Variants in MAST2 observed in about 807,000 individuals in gnomAD.
MAST2 encodes the protein microtubule-associated serine/threonine-protein kinase 2.
MAST2 carries 70 observed loss-of-function variants against 147.4 expected under a neutral mutation model. The observed-to-expected ratio is 0.47, with a 90% CI of 0.39 to 0.58. MAST2 has a LOEUF of 0.58. Among genes scored for constraint, MAST2 ranks in the 20% least tolerant of loss-of-function variants. The pLI is 0.00. For synonymous variants in MAST2, 869 were observed against 896.8 expected, an observed-to-expected ratio of 0.97 and a Z score of 0.55; for missense variants, 2,080 against 2,302.3, an observed-to-expected ratio of 0.90 and a Z score of 1.98.
At chr1:45,816,476 A>G (rs1412169244) in intron 1 of MAST2, among the ~76,000 whole-genome samples, 10 of 152,158 alleles carry the variant, frequency 6.6e-5, no homozygotes, top group South Asian at 4.1e-4. Context: ...AGAGAATTCA[A>G]AATACCCATT....
chr1:45,984,714 A>C (rs1257479907), intron 5 of MAST2, among the ~76,000 whole-genome samples: 1 of 152,184 alleles, frequency 6.6e-6, no homozygotes, highest in Non-Finnish European at 1.5e-5. Flanking sequence ...CTGATCAGGC[A>C]CAGTGGCTCC....
chr1:45,818,590 A>C (rs1206787526), intron 1 of MAST2, among the ~76,000 whole-genome samples: 2 of 152,200 alleles, frequency 1.3e-5, no homozygotes, highest in African/African-American at 4.8e-5. Flanking sequence ...AGGATGGTCG[A>C]TGTTGAGTTC....
At chr1:45,933,833 A>G (rs1655763083) in intron 4 of MAST2, among the ~76,000 whole-genome samples, 1 of 151,870 alleles carries the variant, frequency 6.6e-6, no homozygotes, top group South Asian at 2.1e-4. Context: ...GTCTCTAATT[A>G]CTAGTTTATT....
At chr1:45,997,932 C>T (rs1645123290) in intron 6 of MAST2, 133 bp downstream of exon 6, 2 of 784,266 alleles carry the variant, frequency 2.6e-6, no homozygotes, top group Non-Finnish European at 2.1e-6. Flanking sequence ...TCCATCAAAA[C>T]TCTGTCTTTG....
chr1:45,909,660 G>A (rs927340504), intron 4 of MAST2, among the ~76,000 whole-genome samples: 1 of 152,002 alleles, frequency 6.6e-6, no homozygotes, highest in African/African-American at 2.4e-5. Flanking sequence ...TAGGACTACA[G>A]GCATGCGCCC....
intron 8 of MAST2, among the ~76,000 whole-genome samples, 194 bp from the exon 9 acceptor site, chr1:46,008,102 T>TA (rs1302462439): frequency 1.3e-5 from 2 of 152,124 alleles, no homozygotes; most frequent in African/African-American, 4.8e-5. Context: ...TAGCTCCATA[T>TA]AGTACCATTT....
chr1:45,891,685 T>C (rs1647820277), intron 4 of MAST2, among the ~76,000 whole-genome samples: 1 of 152,104 alleles, frequency 6.6e-6, no homozygotes, highest in East Asian at 1.9e-4. Flanking sequence ...TCCTACCTTT[T>C]CATCTAAAAT....
At chr1:45,885,085 T>C in intron 4 of MAST2, among the ~76,000 whole-genome samples, 1 of 152,304 alleles carries the variant, frequency 6.6e-6, no homozygotes, top group South Asian at 2.1e-4. Context: ...GTGGAAAAAC[T>C]GATGTTAATA....
Position 46,030,726 on chromosome 1 carries a change from C to G in MAST2, c.2673C>G (p.Gly891=), listed in dbSNP as rs1646622239. The G allele has an allele frequency of 1.3e-6, 2 of 1,596,866 alleles. No individual in the cohort carries two copies. Among genetic ancestry groups the G allele is most frequent in the African/African-American group, 1.3e-5 (1 of 74,166 alleles). The change falls in exon 22 of 29, where the codon GGC becomes GGG. Residue 891 remains glycine (G), a synonymous_variant. Transcript: ENST00000361297. The stretch of plus-strand genomic sequence containing the variant: ...CAGATGGCCTGGCAGGGCTCAAAGG[C>G]CGAGACCGGAGCTGGGTGATTGGCT... ...DHSDGLAGLK[G]RDRSWVIGSP...
intron 4 of MAST2, among the ~76,000 whole-genome samples, chr1:45,896,859 A>T (rs1052235698): frequency 6.6e-6 from 1 of 152,358 alleles, no homozygotes; most frequent in Admixed American, 6.5e-5. Context: ...ATCATATTGT[A>T]TGAATGTCTC....
chr1:45,860,974 C>T lies in MAST2; in HGVS notation c.469-21390C>T, dbSNP rs570200417. Reference sequence around the variant, plus strand: ...ATTTCTAGTCCACTTAGCTCTCTGCCTTGTCATACCTCTGAAATGTTCCTT... The same window carrying T: ...ATTTCTAGTCCACTTAGCTCTCTGCTTTGTCATACCTCTGAAATGTTCCTT... On this transcript the variant is annotated intron_variant, in intron 3 of 28. Transcript: ENST00000361297. Among the ~76,000 whole-genome samples the T allele has an allele frequency of 8.5e-5, 13 of 152,318 alleles. No individual in the cohort carries two copies. The East Asian group carries it at 2.5e-3, about 29-fold the overall frequency.
intron 4 of MAST2, among the ~76,000 whole-genome samples, chr1:45,905,841 G>T (rs183240319): frequency 1.4e-3 from 217 of 151,948 alleles, no homozygotes; most frequent in African/African-American, 5.1e-3. Flanking sequence ...ATGGTAACTG[G>T]TAAGTGTATG....
chr1:45,959,709 A>T (rs1192188543), intron 5 of MAST2, among the ~76,000 whole-genome samples: 1 of 152,090 alleles, frequency 6.6e-6, no homozygotes, highest in African/African-American at 2.4e-5. Flanking sequence ...TCTTGTACAT[A>T]TCTTGGGGCC....
rs116664070 is a variant in MAST2, at chr1:45,824,425, C to G, written c.178-8C>G. 1.2e-3 allele frequency: 1,890 copies of G among 1,582,822 alleles called. 27 individuals carry two copies. The African/African-American group carries it at 0.024, about 20-fold the overall frequency. ...AAGACTCATGTTTTACTCTTTTTCT[C>G]TTTGAAGGATGTAGTAACTGGAGTT... On this transcript the variant is annotated splice_region_variant and splice_polypyrimidine_tract_variant and intron_variant, in intron 1 of 28. Transcript: ENST00000361297.
chr1:46,017,003 C>A (rs528348821), intron 10 of MAST2, among the ~76,000 whole-genome samples: 1 of 151,582 alleles, frequency 6.6e-6, no homozygotes, highest in African/African-American at 2.4e-5. Flanking sequence ...CAGAACAGAG[C>A]CCTCAGAAAT....
intron 4 of MAST2, among the ~76,000 whole-genome samples, chr1:45,917,131 AT>A (rs1368444147): frequency 6.6e-6 from 1 of 152,220 alleles, no homozygotes; most frequent in Non-Finnish European, 1.5e-5. Context: ...CAAATCTTAA[AT>A]GTTGTATTTT....
chr1:45,804,540 G>T (rs1430289970), intron 1 of MAST2, among the ~76,000 whole-genome samples: 1 of 152,198 alleles, frequency 6.6e-6, no homozygotes, highest in Non-Finnish European at 1.5e-5. Flanking sequence ...TTTTGTACCA[G>T]TGTGTTCACA....
intron 5 of MAST2, among the ~76,000 whole-genome samples, chr1:45,997,377 A>G (rs1454168028): frequency 2.6e-5 from 4 of 152,194 alleles, no homozygotes; most frequent in Non-Finnish European, 5.9e-5. Context: ...ACATTTGGCT[A>G]TACCCTCTGA....
chr1:46,030,805 C>G (rs769258435), intron 22 of MAST2, 44 bp downstream of exon 22: 6 of 1,523,748 alleles, frequency 3.9e-6, no homozygotes, highest in Non-Finnish European at 4.4e-6. Flanking sequence ...ACAGCTATCC[C>G]TGCATTGTCA....
Sources: allele counts gnomAD v4.1 joint callset (sites outside exome capture counted in the v4.1 genomes callset), GRCh38; gene constraint gnomAD v4.1.1; transcripts MANE v1.5; gene names NCBI Gene and HGNC (gene_info 2026-07-23, HGNC 2026-07-21).